CSMD3: variants seen among roughly 807,000 people sequenced by gnomAD.
CSMD3 encodes CUB and Sushi multiple domains 3.
CSMD3 carries 177 observed loss-of-function variants against 435.2 expected under a neutral mutation model. That is an observed-to-expected ratio of 0.41 (90% confidence interval 0.36 to 0.46). The LOEUF is 0.46. Among genes scored for constraint, CSMD3 ranks in the 20% least tolerant of loss-of-function variants. The probability of loss-of-function intolerance (pLI) is 0.34; values close to 1 mark genes in which losing one functional copy is unlikely to be tolerated. For missense variants in CSMD3, 4,265 were observed against 4,504.6 expected, an observed-to-expected ratio of 0.95 and a Z score of 1.52; for synonymous variants, 1,656 against 1,520.5, an observed-to-expected ratio of 1.09 and a Z score of -2.07.
At chr8:112,618,237 G>C (rs1833803391) in intron 22 of CSMD3, among the ~76,000 whole-genome samples, 1 of 152,050 alleles carries the variant, frequency 6.6e-6, no homozygotes, top group African/African-American at 2.4e-5. Context: ...ACTTTGTAAA[G>C]GAATTAAACA....
rs534354309 is a variant in CSMD3, at chr8:112,298,747, A to C, written c.8441-2741T>G. 1.4e-4 allele frequency among the ~76,000 whole-genome samples: 21 copies of C among 152,234 alleles called. No individual in the cohort carries two copies. In the East Asian group the frequency reaches 4.1e-3, roughly 29 times the overall value. ...AGTATTCATTAAGACAAAAAATATT[A>C]AAATATCATAGGATACCTTTATGCA... On this transcript the variant is annotated intron_variant, in intron 53 of 70. Transcript: ENST00000297405.
chr8:113,377,378 A>C (rs1275874652), intron 1 of CSMD3, among the ~76,000 whole-genome samples: 1 of 152,220 alleles, frequency 6.6e-6, no homozygotes, highest in African/African-American at 2.4e-5. Flanking sequence ...GAAGTATTCC[A>C]GTTGTAAAAT....
At chr8:113,046,474 G>T (rs1393275140) in intron 5 of CSMD3, among the ~76,000 whole-genome samples, 1 of 151,374 alleles carries the variant, frequency 6.6e-6, no homozygotes, top group Non-Finnish European at 1.5e-5. Flanking sequence ...GAAGTCCGCG[G>T]GCCTGAGAGG....
At chr8:112,283,546 G>A (rs1369957173) in intron 58 of CSMD3, among the ~76,000 whole-genome samples, 1 of 151,168 alleles carries the variant, frequency 6.6e-6, no homozygotes, top group African/African-American at 2.4e-5. Flanking sequence ...TTTGTGTTAG[G>A]TATAGAGTAT....
intron 3 of CSMD3, among the ~76,000 whole-genome samples, chr8:113,198,977 C>A (rs2092689668): frequency 6.6e-6 from 1 of 150,732 alleles, no homozygotes; most frequent in Non-Finnish European, 1.5e-5. Flanking sequence ...ATTTCAATTT[C>A]CAATAGATGT....
At chr8:112,576,835 CATAT>C (rs5894088) in intron 23 of CSMD3, among the ~76,000 whole-genome samples, 5 of 71,580 alleles carry the variant, frequency 7.0e-5, no homozygotes, top group Admixed American at 5.2e-4. Flanking sequence ...AGGCAGCATA[CATAT>C]ATATATATAT....
intron 38 of CSMD3, among the ~76,000 whole-genome samples, chr8:112,358,628 C>G (rs1826872711): frequency 6.6e-6 from 1 of 152,170 alleles, no homozygotes; most frequent in African/African-American, 2.4e-5. Context: ...CACAAGTTCC[C>G]TCTCTTTGCC....
chr8:112,477,070 T>A (rs779354044), intron 31 of CSMD3, among the ~76,000 whole-genome samples: 3 of 152,226 alleles, frequency 2.0e-5, no homozygotes, highest in African/African-American at 4.8e-5. Context: ...CAGGCTACTA[T>A]AAAATAATGT....
intron 4 of CSMD3, among the ~76,000 whole-genome samples, chr8:113,160,120 G>A (rs1310694172): frequency 6.6e-6 from 1 of 151,870 alleles, no homozygotes; most frequent in Non-Finnish European, 1.5e-5. Context: ...CAAATTTATA[G>A]AAACAAGAGT....
At chr8:112,670,933 C>T (rs6469434) in intron 16 of CSMD3, among the ~76,000 whole-genome samples, 22,460 of 151,774 alleles carry the variant, frequency 0.15, 2,004 homozygotes, top group Non-Finnish European at 0.2. Context: ...AATATGCAAC[C>T]CTTTGAAAAA....
intron 12 of CSMD3, among the ~76,000 whole-genome samples, chr8:112,807,488 ATAGG>A (rs34951713): frequency 0.26 from 34,127 of 129,024 alleles, 3,998 homozygotes; most frequent in East Asian, 0.36. Context: ...GCAATTCTTG[ATAGG>A]TAGGTAGGTA....
chr8:112,289,218 T>C, intron 57 of CSMD3, 147 bp downstream of exon 57: 2 of 734,776 alleles, frequency 2.7e-6, no homozygotes, highest in Non-Finnish European at 4.9e-6. Flanking sequence ...TCCAGTAATG[T>C]GTAAGCAGTG....
At chr8:112,966,490 A>T (rs77242805) in intron 7 of CSMD3, among the ~76,000 whole-genome samples, 5,603 of 146,246 alleles carry the variant, frequency 0.038, 118 homozygotes, top group Non-Finnish European at 0.056. Context: ...ATTTTTAAAA[A>T]TTTTTTTTTT....
chr8:112,401,316 CTA>C (rs1417005091), intron 35 of CSMD3, among the ~76,000 whole-genome samples: 1 of 152,014 alleles, frequency 6.6e-6, no homozygotes, highest in African/African-American at 2.4e-5. Context: ...TCTTCGCTTG[CTA>C]TTTTGCTATT....
chr8:112,550,625 A>G (rs1466243623), intron 27 of CSMD3, 46 bp downstream of exon 27: 4 of 1,011,326 alleles, frequency 4.0e-6, no homozygotes, highest in South Asian at 1.3e-5. Flanking sequence ...GACTATTTAC[A>G]TCACCTTCCT....
At chr8:112,417,548 G>A (rs188863682) in intron 32 of CSMD3, among the ~76,000 whole-genome samples, 77 of 152,150 alleles carry the variant, frequency 5.1e-4, no homozygotes, top group African/African-American at 1.8e-3. Flanking sequence ...CTCTTTCATT[G>A]TCTGCTTTCT....
intron 2 of CSMD3, among the ~76,000 whole-genome samples, chr8:113,289,750 C>T (rs2093672955): frequency 6.6e-6 from 1 of 151,630 alleles, no homozygotes; most frequent in Admixed American, 6.6e-5. Context: ...TTTACAAGTA[C>T]TCTATATTCA....
intron 4 of CSMD3, among the ~76,000 whole-genome samples, chr8:113,101,933 A>G (rs958075281): frequency 6.6e-6 from 1 of 152,094 alleles, no homozygotes; most frequent in Non-Finnish European, 1.5e-5. Context: ...AAAAACAACA[A>G]CATATTTTCT....
intron 1 of CSMD3, among the ~76,000 whole-genome samples, chr8:113,331,057 A>G (rs538874288): frequency 6.6e-6 from 1 of 151,868 alleles, no homozygotes; most frequent in South Asian, 2.1e-4. Context: ...CAAATTGACA[A>G]AACTTTATAT....
Sources: gnomAD v4.1 joint callset for allele counts (sites outside exome capture counted in the v4.1 genomes callset) on GRCh38, gnomAD v4.1.1 for gene constraint, MANE v1.5 for transcripts, NCBI Gene and HGNC (gene_info 2026-07-23, HGNC 2026-07-21) for gene names.